Variants in DHX32 observed in about 807,000 individuals in gnomAD.
DHX32 encodes the protein DEAH-box helicase 32 (putative), also known as putative pre-mRNA-splicing factor ATP-dependent RNA helicase DHX32.
A neutral mutation model predicts 70.0 loss-of-function variants in DHX32; 51 were observed. The observed-to-expected ratio is 0.73, with a 90% confidence interval of 0.58 to 0.92. The LOEUF is 0.92. Among genes scored for constraint, DHX32 ranks in the 40% least tolerant of loss-of-function variants. The pLI is 0.00. For missense variants in DHX32, 762 were observed against 891.8 expected, an observed-to-expected ratio of 0.85 and a Z score of 1.85; for synonymous variants, 310 against 315.3, an observed-to-expected ratio of 0.98 and a Z score of 0.18.
chr10:125,862,193 T>C (rs1944194360), intron 2 of DHX32, among the ~76,000 whole-genome samples: 1 of 152,166 alleles, frequency 6.6e-6, no homozygotes, highest in African/African-American at 2.4e-5. Context: ...ATTATAACGA[T>C]TGCTTCCTTG....
chr10:125,896,317 GCGGGGACCGCGGGTCGGCGACGT>G (rs1944522505), exon 1 of DHX32: 1 of 66,874 alleles, frequency 1.5e-5, no homozygotes, highest in Non-Finnish European at 2.7e-5. Flanking sequence ...GTCGGCGACA[GCGGGGACCGCGGGTCGGCGACGT>G]CGGGGCACAG....
chr10:125,854,995 G>A (rs1204368707), intron 3 of DHX32: 1 of 152,196 alleles, frequency 6.6e-6, no homozygotes, highest in African/African-American at 2.4e-5. Flanking sequence ...GGAGGCTGAG[G>A]CGGGCGGATC....
chr10:125,843,560 C>T lies in DHX32; in HGVS notation c.1352-1626G>A, dbSNP rs1854938228. Among the ~76,000 whole-genome samples the T allele has an allele frequency of 2.0e-5, 3 of 151,710 alleles. No individual in the cohort carries two copies. In the South Asian group the frequency reaches 6.3e-4, roughly 32 times the overall value. ...CCAGGAAGTGGAGCTTGTAGTGAGC[C>T]GAGATGGCACCACTGCACTCCAGCC... On this transcript the variant is annotated intron_variant, in intron 6 of 10. Transcript: ENST00000284690.
At position 125,881,053 on chromosome 10, in the gene DHX32, T is replaced by C. The variant is rs1944314204; in HGVS notation, c.-229A>G. 1 of 424,888 alleles carries C rather than the reference T, an allele frequency of 2.4e-6. No individual in the cohort carries two copies. The highest frequency in any genetic ancestry group is 4.0e-5 in the Admixed American group (1 of 24,938). 26.3% of individuals were successfully genotyped at this position (424,888 alleles called of 1,614,324 possible). Reference sequence around the variant, plus strand: ...CTACAGCACTCTTCGGCATTGTAAATGATTGTCAATAAACCACACTAAGAA... The same window carrying C: ...CTACAGCACTCTTCGGCATTGTAAACGATTGTCAATAAACCACACTAAGAA... On this transcript the variant is annotated 5_prime_UTR_variant, in exon 1 of 11. Coordinates refer to ENST00000284690, the MANE Select transcript of DHX32 (RefSeq NM_018180.3).
chr10:125,850,607 G>A (rs983254293), intron 6 of DHX32, among the ~76,000 whole-genome samples: 2 of 151,888 alleles, frequency 1.3e-5, no homozygotes, highest in Non-Finnish European at 2.9e-5. Flanking sequence ...CACCCACCTC[G>A]GCCTCCCAAA....
In DHX32 at chr10:125,841,821, G is replaced by A; in HGVS notation, c.1465C>T (p.Gln489Ter). ...IIMSEFPLDP[Q>*]LSKSILASCE... ...GACGCTAAGATAGACTTCGAGAGTT[G>A]TGGATCAAGAGGAAACTCTGACATG... The change falls in exon 7 of 11, where the codon CAA becomes TAA. Residue 489 changes from glutamine (Q) to a stop codon, truncating the protein, a stop_gained. Transcript: ENST00000284690. LOFTEE classifies it high-confidence loss of function. The A allele has an allele frequency of 1.2e-6, 2 of 1,613,826 alleles. No individual in the cohort carries two copies. Among genetic ancestry groups the A allele is most frequent in the Non-Finnish European group, 1.7e-6 (2 of 1,179,968 alleles).
intron 1 of DHX32, among the ~76,000 whole-genome samples, chr10:125,895,283 A>C (rs1253326690): frequency 6.6e-6 from 1 of 152,180 alleles, no homozygotes; most frequent in African/African-American, 2.4e-5. Context: ...TCTACTGGCA[A>C]GATTAGTAAT....
Position 125,838,333 on chromosome 10 carries a change from C to A in DHX32, c.1936G>T (p.Val646Phe). Reference sequence around the variant, plus strand: ...CCAGACAGGGGATGCAGCTGAGCAACCTGCTTATGTGTCAGCATTAAGTAG... The same window carrying A: ...CCAGACAGGGGATGCAGCTGAGCAAACTGCTTATGTGTCAGCATTAAGTAG... ...GNYLMLTHKQ[V>F]AQLHPLSGYS... The change falls in exon 10 of 11, where the codon GTT becomes TTT. Residue 646 changes from valine to phenylalanine, a missense_variant. Physicochemically the swap from Val to Phe is conservative, Grantham distance 50. Around this residue, in one of 3 missense-constraint regions of DHX32, gnomAD observed 366 missense variants for 402.6 expected, o/e 0.91. Coordinates refer to ENST00000284690, the MANE Select transcript of DHX32 (RefSeq NM_018180.3). The A allele has an allele frequency of 1.9e-6, 3 of 1,613,600 alleles. No individual in the cohort carries two copies. Among genetic ancestry groups the A allele is most frequent in the Non-Finnish European group, 1.7e-6 (2 of 1,179,912 alleles).
rs1030637413 is a variant in DHX32 at position 125,866,547 on chromosome 10, C to T, written c.476+443G>A. On this transcript the variant is annotated intron_variant, in intron 2 of 10. Transcript: ENST00000284690. The surrounding 1 kb of genome is among the most constrained non-coding windows in gnomAD (Gnocchi z 4.8). ...GCCTTCCTGGAGTAGGTGGCTGCTA[C>T]ACTGCATACTGAGTGACTAGGAGGA... Among the ~76,000 whole-genome samples, 2 of 152,164 alleles carry T rather than the reference C, an allele frequency of 1.3e-5. 1 individual carries two copies. Among genetic ancestry groups the T allele is most frequent in the Admixed American group, 1.3e-4 (2 of 15,280 alleles).
At chr10:125,839,401 G>A (rs750718350) in intron 8 of DHX32, among the ~76,000 whole-genome samples, 13 of 152,348 alleles carry the variant, frequency 8.5e-5, no homozygotes, top group South Asian at 2.1e-4. Flanking sequence ...CGGTGCCACC[G>A]ACAGCACCCA....
intron 10 of DHX32, 95 bp downstream of exon 10, chr10:125,838,111 A>G: frequency 8.3e-7 from 1 of 1,210,386 alleles, no homozygotes; most frequent in Non-Finnish European, 1.1e-6. Context: ...ATCAGTATAA[A>G]CTTTAGAACT....
In DHX32 at chr10:125,836,455, TGA is replaced by T; in HGVS notation, c.*230_*231del. The T allele has an allele frequency of 7.1e-7, 1 of 1,415,640 alleles. No homozygotes were observed. Among genetic ancestry groups the T allele is most frequent in the Non-Finnish European group, 9.2e-7 (1 of 1,089,304 alleles). 87.7% of individuals were successfully genotyped at this position (1,415,640 alleles called of 1,614,324 possible). On this transcript the variant is annotated 3_prime_UTR_variant, in exon 11 of 11. Transcript: ENST00000284690. ...GTTTTTTAAAATTTTGGTCAAATTA[TGA>T]GTGGTTGATTTAAAAACTTTTCCAA...
At chr10:125,860,233 G>C (rs1409236151) in intron 2 of DHX32, among the ~76,000 whole-genome samples, 3 of 152,076 alleles carry the variant, frequency 2.0e-5, no homozygotes. Context: ...CTAAGTTAAA[G>C]ACCTCTGCCT....
At chr10:125,856,719 G>T (rs1355222560) in intron 3 of DHX32, among the ~76,000 whole-genome samples, 1 of 152,128 alleles carries the variant, frequency 6.6e-6, no homozygotes, top group Non-Finnish European at 1.5e-5. Flanking sequence ...GCCAAGACAG[G>T]AGAACTGCTT....
At chr10:125,876,603 T>A (rs1182212602) in intron 1 of DHX32, among the ~76,000 whole-genome samples, 1 of 152,182 alleles carries the variant, frequency 6.6e-6, no homozygotes, top group Non-Finnish European at 1.5e-5. Flanking sequence ...ACTTGTGTGA[T>A]CTTCTTGCCA....
At chr10:125,854,361 G>A in intron 3 of DHX32, 158 bp from the exon 4 acceptor site, 1 of 571,260 alleles carries the variant, frequency 1.8e-6, no homozygotes, top group Admixed American at 4.0e-5. Flanking sequence ...AATAAGTAAA[G>A]ATGCACCTAA....
intron 2 of DHX32, among the ~76,000 whole-genome samples, chr10:125,864,927 C>A (rs1490075206): frequency 3.4e-5 from 1 of 28,990 alleles, no homozygotes; most frequent in Non-Finnish European, 5.9e-5. Context: ...GGGACTCTGT[C>A]TCAAAAAAAA....
chr10:125,850,693 G>A (rs1212360263), intron 6 of DHX32, among the ~76,000 whole-genome samples: 1 of 152,140 alleles, frequency 6.6e-6, no homozygotes, highest in Non-Finnish European at 1.5e-5. Flanking sequence ...GTTTTCATGA[G>A]GCGTTGCCTT....
chr10:125,857,707 A>AC (rs769805088), intron 3 of DHX32, among the ~76,000 whole-genome samples: 38 of 152,296 alleles, frequency 2.5e-4, no homozygotes, highest in South Asian at 6.2e-4. Flanking sequence ...AACTTATAAG[A>AC]ATCATGTACT....
Sources: allele counts gnomAD v4.1 joint callset (sites outside exome capture counted in the v4.1 genomes callset), GRCh38; gene constraint gnomAD v4.1.1; regional missense constraint gnomAD v4.1.1; non-coding constraint Gnocchi (gnomAD v3.1); transcripts MANE v1.5; gene names NCBI Gene and HGNC (gene_info 2026-07-23, HGNC 2026-07-21).